PRKG1: variants seen among roughly 807,000 people sequenced by gnomAD.
PRKG1 encodes the protein cGMP-dependent protein kinase 1.
PRKG1 carries 35 observed loss-of-function variants against 88.1 expected under a neutral mutation model. The observed-to-expected ratio is 0.40, with a 90% CI of 0.30 to 0.53. The LOEUF is 0.53. Among genes scored for constraint, PRKG1 ranks in the 20% least tolerant of loss-of-function variants. PRKG1 has a pLI of 0.59. For missense variants in PRKG1, 540 were observed against 839.8 expected, an observed-to-expected ratio of 0.64 and a Z score of 4.41; for synonymous variants, 303 against 292.5, an observed-to-expected ratio of 1.04 and a Z score of -0.37.
At chr10:52,166,817 A>ATG (rs1418615609) in intron 9 of PRKG1, among the ~76,000 whole-genome samples, 11 of 3,358 alleles carry the variant, frequency 3.3e-3, no homozygotes, top group African/African-American at 5.2e-3. Flanking sequence ...ATGTATATAT[A>ATG]TGTATATATA....
intron 5 of PRKG1, among the ~76,000 whole-genome samples, chr10:51,917,415 C>G (rs1053601738): frequency 6.6e-6 from 1 of 151,608 alleles, no homozygotes; most frequent in Non-Finnish European, 1.5e-5. Context: ...CTGAATATAC[C>G]GAAAACCATT....
chr10:52,166,839 G>GTATATATGTA (rs1838477606), intron 9 of PRKG1, among the ~76,000 whole-genome samples: 1 of 90,484 alleles, frequency 1.1e-5, no homozygotes, highest in Non-Finnish European at 2.0e-5. Context: ...GTATATATAT[G>GTATATATGTA]TATATATATG....
chr10:52,237,073 AT>A lies in PRKG1; in HGVS notation c.1077-14495del, dbSNP rs1218416281. 7.9e-4 allele frequency among the ~76,000 whole-genome samples: 42 copies of A among 53,218 alleles called. 3 individuals carry two copies. The highest frequency in any genetic ancestry group is 2.0e-4 in the Non-Finnish European group (4 of 19,944). The allele number at this position is 53,218 out of a possible 152,430, so 34.9% of individuals were successfully genotyped here. A position where few individuals can be genotyped will look rare whatever the true frequency, so the allele number is the denominator to read the frequency against. ...CAGAGCCAAAGACAAAAACCACATGATTATCTCAATAGCTGCAGAAAAAAGC... is the reference window on the plus strand; with the variant it reads ...CAGAGCCAAAGACAAAAACCACATGATATCTCAATAGCTGCAGAAAAAAGC... On this transcript the variant is annotated intron_variant, in intron 9 of 17. Transcript: ENST00000373980.
intron 5 of PRKG1, among the ~76,000 whole-genome samples, chr10:51,977,731 CT>C (rs1313977702): frequency 1.3e-5 from 2 of 151,840 alleles, no homozygotes; most frequent in East Asian, 1.9e-4. Flanking sequence ...TGATACTGAG[CT>C]TTTTTTTCAT....
At chr10:51,948,206 T>A (rs1200993293) in intron 5 of PRKG1, among the ~76,000 whole-genome samples, 1 of 152,180 alleles carries the variant, frequency 6.6e-6, no homozygotes, top group East Asian at 1.9e-4. Context: ...AGGAGTTTCA[T>A]GTACTGAGAA....
chr10:51,769,218 G>A (rs538197880), intron 3 of PRKG1, among the ~76,000 whole-genome samples: 1 of 152,222 alleles, frequency 6.6e-6, no homozygotes, highest in East Asian at 1.9e-4. Context: ...CCTTGAAATC[G>A]GCGTCAGAGT....
At chr10:51,092,863 A>G (rs1290752476) in intron 1 of PRKG1, among the ~76,000 whole-genome samples, 1 of 152,198 alleles carries the variant, frequency 6.6e-6, no homozygotes, top group Non-Finnish European at 1.5e-5. Flanking sequence ...AGTAATAGTG[A>G]ACAAAAGTGA....
chr10:51,118,015 T>C (rs959543978), intron 1 of PRKG1, among the ~76,000 whole-genome samples: 2 of 152,180 alleles, frequency 1.3e-5, no homozygotes, highest in Non-Finnish European at 2.9e-5. Flanking sequence ...TTCACTAAAA[T>C]CTCAGTGATG....
intron 5 of PRKG1, among the ~76,000 whole-genome samples, chr10:52,052,446 T>A (rs865813948): frequency 7.4e-6 from 1 of 135,462 alleles, no homozygotes. Context: ...TAATAATAAT[T>A]AAATTAACTA....
chr10:51,755,956 G>A (rs1837848894), intron 3 of PRKG1, among the ~76,000 whole-genome samples: 1 of 152,156 alleles, frequency 6.6e-6, no homozygotes, highest in African/African-American at 2.4e-5. Context: ...TTATTAGAAA[G>A]TTCTTCCTTT....
chr10:51,071,599 G>A (rs1390424465), upstream of PRKG1, among the ~76,000 whole-genome samples: 2 of 152,166 alleles, frequency 1.3e-5, no homozygotes, highest in African/African-American at 2.4e-5. Context: ...AAATGAAAAT[G>A]TAATGTGTAT....
chr10:51,203,140 T>A (rs777823866), intron 2 of PRKG1, among the ~76,000 whole-genome samples: 1 of 152,116 alleles, frequency 6.6e-6, no homozygotes, highest in Non-Finnish European at 1.5e-5. Flanking sequence ...TTGGGCCTAC[T>A]TAAATGGTCA....
At chr10:51,422,013 C>A (rs1004027899) in intron 2 of PRKG1, among the ~76,000 whole-genome samples, 1 of 152,212 alleles carries the variant, frequency 6.6e-6, no homozygotes, top group Non-Finnish European at 1.5e-5. Context: ...TCATTCACTT[C>A]ACAAGCTCTA....
chr10:51,864,448 C>T (rs1436132646), intron 4 of PRKG1, among the ~76,000 whole-genome samples: 1 of 152,202 alleles, frequency 6.6e-6, no homozygotes, highest in African/African-American at 2.4e-5. Flanking sequence ...TAGTACCCAA[C>T]ACAGCATATC....
At chr10:51,024,122 C>G (rs2132738241) in intron 1 of PRKG1, among the ~76,000 whole-genome samples, 1 of 152,320 alleles carries the variant, frequency 6.6e-6, no homozygotes, top group Non-Finnish European at 1.5e-5. Flanking sequence ...CCAGGTAAGA[C>G]TTGGTGTTAA....
At chr10:51,513,172 CA>C (rs1421895389) in intron 3 of PRKG1, among the ~76,000 whole-genome samples, 1 of 147,912 alleles carries the variant, frequency 6.8e-6, no homozygotes, top group Non-Finnish European at 1.5e-5. Context: ...AAATGGAAAA[CA>C]AAAAAAGGCA....
At chr10:51,044,331 T>G (rs993663783) in intron 1 of PRKG1, among the ~76,000 whole-genome samples, 1 of 152,038 alleles carries the variant, frequency 6.6e-6, no homozygotes, top group African/African-American at 2.4e-5. Flanking sequence ...CGGAAGAGTT[T>G]TGGTAAAGAT....
intron 3 of PRKG1, among the ~76,000 whole-genome samples, chr10:51,597,107 C>A (rs983937334): frequency 6.6e-6 from 1 of 152,006 alleles, no homozygotes; most frequent in African/African-American, 2.4e-5. Flanking sequence ...CTTTCAAATT[C>A]ATTCTTATTC....
intron 3 of PRKG1, among the ~76,000 whole-genome samples, chr10:51,667,994 G>T (rs1014646947): frequency 6.6e-6 from 1 of 151,914 alleles, no homozygotes; most frequent in Non-Finnish European, 1.5e-5. Context: ...TAAAGCCATT[G>T]AATGCCTCTT....
Sources: gnomAD v4.1 joint callset for allele counts (sites outside exome capture counted in the v4.1 genomes callset) on GRCh38, gnomAD v4.1.1 for gene constraint, MANE v1.5 for transcripts, NCBI Gene and HGNC (gene_info 2026-07-23, HGNC 2026-07-21) for gene names.